DLG4: variants seen among roughly 807,000 people sequenced by gnomAD.
The protein encoded by DLG4 is discs large MAGUK scaffold protein 4, also known as disks large homolog 4.
DLG4 carries 7 observed loss-of-function variants against 93.8 expected under a neutral mutation model. The ratio of observed to expected loss-of-function variants is 0.07; its 90% confidence interval spans 0.04 to 0.14. The LOEUF is 0.14. DLG4 is among the 10% of genes least tolerant of loss of function. DLG4 has a pLI of 1.00. For missense variants in DLG4, 545 were observed against 992.9 expected (o/e 0.55, Z 6.06); for synonymous variants, 341 against 387.6 (o/e 0.88, Z 1.41).
intron 2 of DLG4, among the ~76,000 whole-genome samples, chr17:7,207,014 G>A (rs530260959): frequency 6.6e-6 from 1 of 152,110 alleles, no homozygotes; most frequent in Middle Eastern, 3.2e-3. Flanking sequence ...CTGGAGAATG[G>A]AAGGTCCCAG....
Position 7,208,999 on chromosome 17 carries a change from C to T in DLG4, c.31-760G>A, listed in dbSNP as rs62059161. Among the ~76,000 whole-genome samples the T allele has an allele frequency of 4.0e-3, 604 of 152,204 alleles. 4 individuals carry two copies. The Middle Eastern group carries it at 0.051, about 13-fold the overall frequency. On this transcript the variant is annotated intron_variant, in intron 1 of 19. Coordinates refer to ENST00000399506, the MANE Select transcript of DLG4 (RefSeq NM_001321075.3). This position sits in a 1 kb window ranked among gnomAD's most constrained non-coding sequence, Gnocchi z 5.4. ...CAGCCCACAGCCCAGCCAGCTAATCCGGTTATGCTATAAGGGCATGGGCTG... is the reference window on the plus strand; with the variant it reads ...CAGCCCACAGCCCAGCCAGCTAATCTGGTTATGCTATAAGGGCATGGGCTG...
upstream of DLG4, chr17:7,219,836 C>T (rs1415718969): frequency 4.6e-6 from 7 of 1,537,506 alleles, no homozygotes; most frequent in Non-Finnish European, 6.1e-6. Context: ...CAGGGAACTA[C>T]AGCTCCCAGC....
intron 1 of DLG4, among the ~76,000 whole-genome samples, chr17:7,209,637 G>C (rs758139218): frequency 6.6e-6 from 1 of 152,026 alleles, no homozygotes; most frequent in Non-Finnish European, 1.5e-5. Flanking sequence ...AGGCATGGTG[G>C]TGCACACCTG....
In DLG4 at chr17:7,217,152, G is replaced by C. The variant is rs2070955254; in HGVS notation, c.-5C>G. ...CACTATACAGAGACAGTCCATGTTG[G>C]GGGGCCTGGCCGCGGCGGCGGGTAA... On this transcript the variant is annotated 5_prime_UTR_variant, in exon 1 of 20. Coordinates refer to ENST00000399506, the MANE Select transcript of DLG4 (RefSeq NM_001321075.3). 1.5e-6 allele frequency: 2 copies of C among 1,291,284 alleles called. No individual in the cohort carries two copies. The highest frequency in any genetic ancestry group is 2.4e-4 in the Middle Eastern group (1 of 4,172). 80.0% of individuals were successfully genotyped at this position (1,291,284 alleles called of 1,614,324 possible).
At chr17:7,216,879 C>T (rs1172915023) in intron 1 of DLG4, among the ~76,000 whole-genome samples, 2 of 152,062 alleles carry the variant, frequency 1.3e-5, no homozygotes, top group East Asian at 3.9e-4. Flanking sequence ...GCCCCCCGAA[C>T]CATGGAATAT....
intron 2 of DLG4, among the ~76,000 whole-genome samples, chr17:7,205,770 C>T (rs1322185766): frequency 7.1e-6 from 1 of 141,504 alleles, no homozygotes; most frequent in Non-Finnish European, 1.5e-5. Context: ...TCCCGCAGCC[C>T]GTCCCCCATC....
At position 7,196,723 on chromosome 17, in the gene DLG4, G is replaced by T. The variant is rs768887387; in HGVS notation, c.1083+34C>A. The stretch of plus-strand genomic sequence containing the variant: ...GCTCTGCGCTCTGCCCTGTGGGGAG[G>T]GGGTGGTGCAGGTAGGGGCAGGCCT... On this transcript the variant is annotated intron_variant, in intron 9 of 19. Coordinates refer to ENST00000399506, the MANE Select transcript of DLG4 (RefSeq NM_001321075.3). The surrounding 1 kb of genome is among the most constrained non-coding windows in gnomAD (Gnocchi z 8.3). The T allele has an allele frequency of 1.3e-6, 2 of 1,586,182 alleles. No individual in the cohort carries two copies. Among genetic ancestry groups the T allele is most frequent in the African/African-American group, 1.3e-5 (1 of 74,174 alleles).
In DLG4 at chr17:7,200,862, T is replaced by G. The variant is rs113155760; in HGVS notation, c.787+2041A>C. 2.9e-3 allele frequency among the ~76,000 whole-genome samples: 408 copies of G among 139,456 alleles called. 6 individuals carry two copies. The highest frequency in any genetic ancestry group is 0.01 in the African/African-American group (375 of 37,270). The allele number at this position is 139,456 out of a possible 152,430, so 91.5% of individuals were successfully genotyped here. On this transcript the variant is annotated intron_variant, in intron 8 of 19. Coordinates refer to ENST00000399506, the MANE Select transcript of DLG4 (RefSeq NM_001321075.3). Reference sequence around the variant, plus strand: ...GCGCGCCCAGCCTGTTTTGGTTTTTTTTTTTTTTTTTTTTTGAGATGGAGT... The same window carrying G: ...GCGCGCCCAGCCTGTTTTGGTTTTTGTTTTTTTTTTTTTTTGAGATGGAGT...
chr17:7,203,112 G>A lies in DLG4; in HGVS notation c.643-65C>T. 2 of 1,574,066 alleles carry A rather than the reference G, an allele frequency of 1.3e-6. No homozygotes were observed. The highest frequency in any genetic ancestry group is 1.7e-6 in the Non-Finnish European group (2 of 1,152,748). On this transcript the variant is annotated intron_variant, in intron 7 of 19. Coordinates refer to ENST00000399506, the MANE Select transcript of DLG4 (RefSeq NM_001321075.3). The surrounding 1 kb of genome is among the most constrained non-coding windows in gnomAD (Gnocchi z 7.2). ...TGGCCCAAGACAGAAGCACTGGGGT[G>A]AAGTGATGAACTTGGGCCTGCCAGG...
chr17:7,199,089 G>C (rs1217857544), intron 8 of DLG4, among the ~76,000 whole-genome samples: 2 of 152,194 alleles, frequency 1.3e-5, no homozygotes, highest in Non-Finnish European at 2.9e-5. Flanking sequence ...CTCTGAGGTA[G>C]CTGGTACATG....
At chr17:7,198,586 A>G (rs1017339769) in intron 8 of DLG4, among the ~76,000 whole-genome samples, 4 of 151,840 alleles carry the variant, frequency 2.6e-5, no homozygotes, top group African/African-American at 9.7e-5. Flanking sequence ...GCAGTGGCTC[A>G]CGCCTGTAAT....
At chr17:7,218,226 C>A (rs776540362), upstream of DLG4, 2 of 1,605,196 alleles carry the variant, frequency 1.2e-6, no homozygotes, top group Non-Finnish European at 1.7e-6. Context: ...TAGGCGCTCG[C>A]CCCCACCTCC....
chr17:7,210,050 A>C (rs2070648250), intron 1 of DLG4, among the ~76,000 whole-genome samples: 1 of 152,144 alleles, frequency 6.6e-6, no homozygotes, highest in Non-Finnish European at 1.5e-5. Context: ...CCAAAACAAA[A>C]AAGAGAGAGG....
intron 2 of DLG4, chr17:7,204,807 C>T: frequency 3.0e-6 from 1 of 331,686 alleles, no homozygotes; most frequent in Non-Finnish European, 4.3e-6. Flanking sequence ...CTAAACCCTG[C>T]ACCCCGGGAA....
rs780401263 is a variant in DLG4 at position 7,203,991 on chromosome 17, T to G, written c.210+17A>C. The G allele has an allele frequency of 2.5e-6, 4 of 1,610,200 alleles. No homozygotes were observed. In the African/African-American group the frequency reaches 5.3e-5, roughly 22 times the overall value. On this transcript the variant is annotated intron_variant, in intron 4 of 19. Coordinates refer to ENST00000399506, the MANE Select transcript of DLG4 (RefSeq NM_001321075.3). The surrounding 1 kb of genome is among the most constrained non-coding windows in gnomAD (Gnocchi z 7.2). Reference sequence around the variant, plus strand: ...GACGGGAGGCCACGGGGACTGCCGATGGAGGAGCCTGCTCACCCTTTCCAA... The same window carrying G: ...GACGGGAGGCCACGGGGACTGCCGAGGGAGGAGCCTGCTCACCCTTTCCAA...
chr17:7,191,810 GAGAGTTGAACGC>G lies in DLG4; in HGVS notation c.1976+71_1976+82del. On this transcript the variant is annotated intron_variant, in intron 18 of 19. Coordinates refer to ENST00000399506, the MANE Select transcript of DLG4 (RefSeq NM_001321075.3). The surrounding 1 kb of genome is among the most constrained non-coding windows in gnomAD (Gnocchi z 6.6). ...AAACCGCTGTCCAGGGTTCTGAAGG[GAGAGTTGAACGC>G]AGACGCCTTGTGAGGCCCAGGGCCA... 1.0e-6 allele frequency: 1 copy of G among 986,932 alleles called. No individual in the cohort carries two copies. The highest frequency in any genetic ancestry group is 2.2e-5 in the South Asian group (1 of 46,260). 61.1% of individuals were successfully genotyped at this position (986,932 alleles called of 1,614,324 possible). A position where few individuals can be genotyped will look rare whatever the true frequency, so the allele number is the denominator to read the frequency against.
chr17:7,206,054 G>A (rs1266325919), intron 2 of DLG4, among the ~76,000 whole-genome samples: 2 of 151,124 alleles, frequency 1.3e-5, no homozygotes, highest in African/African-American at 4.9e-5. Flanking sequence ...GCACCCTCCA[G>A]CCCCATCCCT....
chr17:7,214,185 C>T (rs1194050771), intron 1 of DLG4, among the ~76,000 whole-genome samples: 1 of 152,154 alleles, frequency 6.6e-6, no homozygotes, highest in Non-Finnish European at 1.5e-5. Context: ...AAAATTGAGA[C>T]GTCAGACTTC....
Position 7,190,428 on chromosome 17 carries a change from G to A in DLG4, c.*280C>T. 2.2e-6 allele frequency: 1 copy of A among 446,938 alleles called. No homozygotes were observed. The highest frequency in any genetic ancestry group is 4.1e-6 in the Non-Finnish European group (1 of 241,612). The allele number at this position is 446,938 out of a possible 1,614,324, so 27.7% of individuals were successfully genotyped here. A position where few individuals can be genotyped will look rare whatever the true frequency, so the allele number is the denominator to read the frequency against. On this transcript the variant is annotated 3_prime_UTR_variant, in exon 20 of 20. Transcript: ENST00000399506. Reference sequence around the variant, plus strand: ...CCGGTGGGTCTGTGTGTGCATTGGGGGCAGGTGGGGGCGGGGATCCTAAGG... The same window carrying A: ...CCGGTGGGTCTGTGTGTGCATTGGGAGCAGGTGGGGGCGGGGATCCTAAGG...
Sources: allele counts gnomAD v4.1 joint callset (sites outside exome capture counted in the v4.1 genomes callset), GRCh38; gene constraint gnomAD v4.1.1; non-coding constraint Gnocchi (gnomAD v3.1); transcripts MANE v1.5; gene names NCBI Gene and HGNC (gene_info 2026-07-23, HGNC 2026-07-21).